Variants in ZNF804B observed in about 807,000 individuals in gnomAD.
ZNF804B encodes zinc finger 804B.
ZNF804B carries 80 observed loss-of-function variants against 101.4 expected under a neutral mutation model. The observed-to-expected ratio is 0.79, with a 90% CI of 0.66 to 0.95. ZNF804B has a LOEUF of 0.95. Among genes scored for constraint, ZNF804B ranks in the 40% least tolerant of loss-of-function variants. The probability of loss-of-function intolerance (pLI) is 0.00; values close to 1 mark genes in which losing one functional copy is unlikely to be tolerated. For missense variants in ZNF804B, 1,673 were observed against 1,561.9 expected (o/e 1.07, Z -1.20); for synonymous variants, 622 against 558.8 (o/e 1.11, Z -1.59).
intron 2 of ZNF804B, among the ~76,000 whole-genome samples, chr7:89,318,008 T>C (rs1790760099): frequency 6.6e-6 from 1 of 152,180 alleles, no homozygotes; most frequent in Admixed American, 6.6e-5. Flanking sequence ...TCAGCAACAG[T>C]TTAAAAAGCC....
At chr7:89,103,063 T>TTGTTTGTTTTG (rs1554364844) in intron 1 of ZNF804B, among the ~76,000 whole-genome samples, 26 of 134,068 alleles carry the variant, frequency 1.9e-4, no homozygotes, top group African/African-American at 7.9e-4. Flanking sequence ...TTTTTTTTTT[T>TTGTTTGTTTTG]TTTTTTTTTT....
At chr7:89,013,078 A>G (rs1369683855) in intron 1 of ZNF804B, among the ~76,000 whole-genome samples, 3 of 152,098 alleles carry the variant, frequency 2.0e-5, no homozygotes, top group Admixed American at 6.5e-5. Context: ...TGATGACACC[A>G]TAGGGGAACC....
In ZNF804B at chr7:89,333,727, A is replaced by C. The variant is rs114789722; in HGVS notation, c.745A>C (p.Asn249His). 6.2e-7 allele frequency: 1 copy of C among 1,613,488 alleles called. No homozygotes were observed. Among genetic ancestry groups the C allele is most frequent in the South Asian group, 1.1e-5 (1 of 91,078 alleles). Residue 249 changes from asparagine to histidine, a missense_variant, in exon 4 of 4, where the codon AAC becomes CAC. Physicochemically the swap from Asn to His is moderately conservative, Grantham distance 68 (BLOSUM62 1). Coordinates refer to ENST00000333190, the MANE Select transcript of ZNF804B (RefSeq NM_181646.5). Reference protein sequence around the residue: ...SENTEETHDCNKSPIYKTKQT... With the variant: ...SENTEETHDCHKSPIYKTKQT... Reference sequence around the variant, plus strand: ...GAACACAGAAGAAACCCATGATTGTAACAAGTCACCCATTTATAAAACAAA... The same window carrying C: ...GAACACAGAAGAAACCCATGATTGTCACAAGTCACCCATTTATAAAACAAA...
intron 1 of ZNF804B, among the ~76,000 whole-genome samples, chr7:88,935,383 AAAAG>A (rs963187550): frequency 6.6e-6 from 1 of 151,680 alleles, no homozygotes; most frequent in Non-Finnish European, 1.5e-5. Context: ...AAAAAAAAAA[AAAAG>A]AATACACCTT....
chr7:88,922,991 A>G (rs1372112130), intron 1 of ZNF804B, among the ~76,000 whole-genome samples: 1 of 152,102 alleles, frequency 6.6e-6, no homozygotes, highest in Admixed American at 6.6e-5. Context: ...TAATTATTGA[A>G]GACAAAATAA....
chr7:89,328,122 G>A (rs927947959), intron 3 of ZNF804B, among the ~76,000 whole-genome samples: 2 of 152,050 alleles, frequency 1.3e-5, no homozygotes, highest in African/African-American at 2.4e-5. Flanking sequence ...AAACACTAAT[G>A]TAGCTAATTA....
At chr7:88,797,684 A>G (rs1181233094) in intron 1 of ZNF804B, among the ~76,000 whole-genome samples, 2 of 152,116 alleles carry the variant, frequency 1.3e-5, no homozygotes, top group African/African-American at 2.4e-5. Context: ...TACACAGGTG[A>G]GATTCTTCCT....
intron 1 of ZNF804B, among the ~76,000 whole-genome samples, chr7:88,896,194 T>C (rs1178254228): frequency 6.6e-6 from 1 of 152,192 alleles, no homozygotes; most frequent in East Asian, 1.9e-4. Flanking sequence ...TGTGAAAAAC[T>C]TCTGAAGAAA....
rs573258679 is a variant in ZNF804B at position 88,930,611 on chromosome 7, G to A, written c.108+170527G>A. Among the ~76,000 whole-genome samples, 12 of 151,884 alleles carry A rather than the reference G, an allele frequency of 7.9e-5. No homozygotes were observed. The East Asian group carries it at 2.3e-3, about 29-fold the overall frequency. ...TTCATTACCATTAAAGAGACTTATT[G>A]GATGTGTATGCATGAGTGAATTAAG... On this transcript the variant is annotated intron_variant, in intron 1 of 3. Coordinates refer to ENST00000333190, the MANE Select transcript of ZNF804B (RefSeq NM_181646.5).
chr7:89,314,320 C>T (rs1790688441), intron 2 of ZNF804B, among the ~76,000 whole-genome samples: 1 of 152,026 alleles, frequency 6.6e-6, no homozygotes, highest in Non-Finnish European at 1.5e-5. Context: ...TAAAGTGTGG[C>T]AAGGTAGAAG....
chr7:89,251,682 T>G (rs568781567), intron 2 of ZNF804B, among the ~76,000 whole-genome samples: 1 of 152,144 alleles, frequency 6.6e-6, no homozygotes, highest in South Asian at 2.1e-4. Context: ...CGGTATGGTA[T>G]TGGTTACTGT....
intron 1 of ZNF804B, among the ~76,000 whole-genome samples, chr7:89,042,904 T>C (rs1385774580): frequency 1.3e-5 from 2 of 152,200 alleles, no homozygotes; most frequent in Non-Finnish European, 2.9e-5. Context: ...AAATCTGGCC[T>C]ACAGGTAATG....
In ZNF804B at chr7:89,336,685, C is replaced by G. The variant is rs753848407; in HGVS notation, c.3703C>G (p.Leu1235Val). 3 of 1,614,134 alleles carry G rather than the reference C, an allele frequency of 1.9e-6. No homozygotes were observed. In the Admixed American group the frequency reaches 5.0e-5, roughly 27 times the overall value. Residue 1235 changes from leucine to valine, a missense_variant, in exon 4 of 4, where the codon CTA becomes GTA. Coordinates refer to ENST00000333190, the MANE Select transcript of ZNF804B (RefSeq NM_181646.5). ...SHSSHLPIAHLHPLSQAHFSP... is the reference protein window; with the variant it reads ...SHSSHLPIAHVHPLSQAHFSP... Reference sequence around the variant, plus strand: ...TAGCAGTCACCTCCCTATTGCTCATCTACATCCTCTTTCACAGGCACATTT... The same window carrying G: ...TAGCAGTCACCTCCCTATTGCTCATGTACATCCTCTTTCACAGGCACATTT...
chr7:88,794,191 G>A (rs1159788822), intron 1 of ZNF804B: 5 of 1,604,422 alleles, frequency 3.1e-6, no homozygotes, highest in Non-Finnish European at 4.3e-6. Context: ...CTAGAAACGT[G>A]AAGGAGCAGG....
intron 1 of ZNF804B, among the ~76,000 whole-genome samples, chr7:88,891,597 T>C (rs1486700137): frequency 6.6e-6 from 1 of 151,498 alleles, no homozygotes; most frequent in Non-Finnish European, 1.5e-5. Context: ...TTTTACATTA[T>C]ATTTGTCCTG....
At chr7:88,828,078 T>C (rs1380543900) in intron 1 of ZNF804B, among the ~76,000 whole-genome samples, 1 of 152,140 alleles carries the variant, frequency 6.6e-6, no homozygotes, top group Non-Finnish European at 1.5e-5. Context: ...TCATAGCTTC[T>C]TCCTTTGTAG....
In ZNF804B at chr7:89,334,388, C is replaced by T. The variant is rs766134214; in HGVS notation, c.1406C>T (p.Pro469Leu). 1.2e-6 allele frequency: 2 copies of T among 1,613,596 alleles called. No individual in the cohort carries two copies. Among genetic ancestry groups the T allele is most frequent in the South Asian group, 1.1e-5 (1 of 91,072 alleles). Residue 469 changes from proline (P) to leucine (L), a missense_variant, in exon 4 of 4, where the codon CCC (proline) becomes CTC (leucine). Pro to Leu is a moderately conservative substitution (Grantham distance 98, BLOSUM62 -3). Transcript: ENST00000333190. Reference protein sequence around the residue: ...TELLLFTKTEPCISYGCNPLY... With the variant: ...TELLLFTKTELCISYGCNPLY... The stretch of plus-strand genomic sequence containing the variant: ...CTTCTGCTCTTTACAAAAACAGAAC[C>T]CTGTATCTCTTATGGCTGCAACCCA...
intron 1 of ZNF804B, among the ~76,000 whole-genome samples, chr7:88,978,834 C>T (rs1372587743): frequency 7.3e-6 from 1 of 137,024 alleles, no homozygotes; most frequent in Non-Finnish European, 1.6e-5. Context: ...TTCCTTCCTT[C>T]TTTCCTTCTT....
At chr7:88,845,374 G>GTCCACCACC (rs1791358931) in intron 1 of ZNF804B, among the ~76,000 whole-genome samples, 1 of 151,870 alleles carries the variant, frequency 6.6e-6, no homozygotes, top group Non-Finnish European at 1.5e-5. Flanking sequence ...CTGGATCTTA[G>GTCCACCACC]TACATGGTGT....
Sources: allele counts gnomAD v4.1 joint callset (sites outside exome capture counted in the v4.1 genomes callset), GRCh38; gene constraint gnomAD v4.1.1; transcripts MANE v1.5; gene names NCBI Gene and HGNC (gene_info 2026-07-23, HGNC 2026-07-21).